ASTN2: variants seen among roughly 807,000 people sequenced by gnomAD.
ASTN2 encodes astrotactin-2.
A neutral mutation model predicts 139.8 loss-of-function variants in ASTN2; 54 were observed. The ratio of observed to expected loss-of-function variants is 0.39; its 90% confidence interval spans 0.31 to 0.48. ASTN2 has a LOEUF of 0.48. Among genes scored for constraint, ASTN2 ranks in the 20% least tolerant of loss-of-function variants. ASTN2 has a pLI of 0.95. For synonymous variants in ASTN2, 756 were observed against 719.5 expected, an observed-to-expected ratio of 1.05 and a Z score of -0.81; for missense variants, 1,565 against 1,725.1, an observed-to-expected ratio of 0.91 and a Z score of 1.64.
At chr9:117,040,998 C>T (rs915053934) in intron 5 of ASTN2, among the ~76,000 whole-genome samples, 1 of 152,146 alleles carries the variant, frequency 6.6e-6, no homozygotes, top group African/African-American at 2.4e-5. Flanking sequence ...TTATCCATAG[C>T]TAATTAGATT....
chr9:117,008,293 C>A, intron 6 of ASTN2, 34 bp from the exon 7 acceptor site: 3 of 1,545,448 alleles, frequency 1.9e-6, no homozygotes, highest in Non-Finnish European at 2.6e-6. Context: ...TACTTTCTTA[C>A]TGATTTTAAG....
At chr9:117,002,125 G>A (rs975148810) in intron 7 of ASTN2, among the ~76,000 whole-genome samples, 8 of 152,202 alleles carry the variant, frequency 5.3e-5, no homozygotes, top group African/African-American at 4.8e-5. Context: ...AGAGCAAGGT[G>A]CTTTGCTGGG....
chr9:116,529,978 T>A (rs1851252340), intron 19 of ASTN2, among the ~76,000 whole-genome samples: 1 of 151,264 alleles, frequency 6.6e-6, no homozygotes, highest in Admixed American at 6.6e-5. Context: ...TCAAAAGATA[T>A]GAAATCAGTA....
At chr9:116,715,503 C>A (rs1364748632) in intron 16 of ASTN2, among the ~76,000 whole-genome samples, 1 of 152,100 alleles carries the variant, frequency 6.6e-6, no homozygotes, top group Non-Finnish European at 1.5e-5. Context: ...GCCTACTCAC[C>A]CTTAGGTTCC....
chr9:117,087,900 T>C (rs1828609617), intron 5 of ASTN2, among the ~76,000 whole-genome samples: 1 of 152,218 alleles, frequency 6.6e-6, no homozygotes, highest in African/African-American at 2.4e-5. Flanking sequence ...TCTGGGTATA[T>C]TACTGGAAAT....
At chr9:117,396,447 C>A (rs190353444) in intron 1 of ASTN2, among the ~76,000 whole-genome samples, 155 of 152,236 alleles carry the variant, frequency 1.0e-3, no homozygotes, top group African/African-American at 3.7e-3. Context: ...GTTTTCCAGA[C>A]CTGCTTATGC....
At chr9:116,832,496 A>G (rs1490426405) in intron 11 of ASTN2, among the ~76,000 whole-genome samples, 1 of 151,714 alleles carries the variant, frequency 6.6e-6, no homozygotes, top group Non-Finnish European at 1.5e-5. Flanking sequence ...TAGCTCTTTT[A>G]TTGATGTTCT....
At chr9:117,257,851 G>T (rs1359640383) in intron 2 of ASTN2, among the ~76,000 whole-genome samples, 2 of 152,206 alleles carry the variant, frequency 1.3e-5, no homozygotes, top group Admixed American at 1.3e-4. Context: ...TGTAGTCATT[G>T]CTCTGCCCTC....
At chr9:117,216,772 A>G (rs1832082481) in intron 2 of ASTN2, among the ~76,000 whole-genome samples, 1 of 152,074 alleles carries the variant, frequency 6.6e-6, no homozygotes, top group African/African-American at 2.4e-5. Flanking sequence ...GGAAGAGTGA[A>G]GAGGAGAGAG....
At chr9:116,859,912 C>T (rs1832833211) in intron 11 of ASTN2, among the ~76,000 whole-genome samples, 1 of 152,246 alleles carries the variant, frequency 6.6e-6, no homozygotes, top group Non-Finnish European at 1.5e-5. Flanking sequence ...CCAGGTGGAA[C>T]TGTTGGACAT....
chr9:117,070,650 T>C (rs1454676213), intron 5 of ASTN2, among the ~76,000 whole-genome samples: 2,669 of 144,426 alleles, frequency 0.018, 19 homozygotes, highest in South Asian at 0.033. Context: ...GGTACACCAA[T>C]GAGACGTAGA....
At chr9:116,487,291 T>C in intron 20 of ASTN2, 68 bp downstream of exon 20, 1 of 1,581,130 alleles carries the variant, frequency 6.3e-7, no homozygotes, top group Non-Finnish European at 8.6e-7. Flanking sequence ...GAATAACTCA[T>C]GCCATTCCTC....
At position 116,796,178 on chromosome 9, in the gene ASTN2, T is replaced by G. The variant is rs139798309; in HGVS notation, c.2396+9454A>C. 2.4e-3 allele frequency among the ~76,000 whole-genome samples: 366 copies of G among 152,316 alleles called. 1 individual carries two copies. The highest frequency in any genetic ancestry group is 3.8e-3 in the Non-Finnish European group (259 of 68,040). ...ACCAGGAAGTGGGCATTGTTACTAT[T>G]ATTCTTAATTTAGGGATGGGGGAAA... On this transcript the variant is annotated intron_variant, in intron 13 of 22. Transcript: ENST00000313400.
At chr9:116,434,071 G>A (rs1230200984) in intron 22 of ASTN2, among the ~76,000 whole-genome samples, 1 of 151,940 alleles carries the variant, frequency 6.6e-6, no homozygotes, top group Non-Finnish European at 1.5e-5. Flanking sequence ...AGTGTGTTTT[G>A]TTAGTATTAG....
At chr9:116,986,854 C>T (rs1197291739) in intron 7 of ASTN2, among the ~76,000 whole-genome samples, 1 of 152,310 alleles carries the variant, frequency 6.6e-6, no homozygotes, top group East Asian at 1.9e-4. Context: ...AAGTGTTTTA[C>T]AGAGAGAACA....
rs11378164 is a variant in ASTN2 at position 117,016,813 on chromosome 9, T to TTATATATATATATATA, written c.1424-8555_1424-8554insTATATATATATATATA. On this transcript the variant is annotated intron_variant, in intron 6 of 22. Coordinates refer to ENST00000313400, the MANE Select transcript of ASTN2 (RefSeq NM_001365068.1). ...GTTATATATAGGTTATATATATGTT[T>TTATATATATATATATA]TATATATATATATATGTTTTTCCAA... Among the ~76,000 whole-genome samples the TTATATATATATATATA allele has an allele frequency of 6.9e-3, 638 of 92,546 alleles. 10 individuals are homozygous for TTATATATATATATATA. The highest frequency in any genetic ancestry group is 0.019 in the African/African-American group (606 of 31,502). 60.7% of individuals were successfully genotyped at this position (92,546 alleles called of 152,430 possible). A position where few individuals can be genotyped will look rare whatever the true frequency, so the allele number is the denominator to read the frequency against.
chr9:117,136,681 A>C (rs996362766), intron 4 of ASTN2, among the ~76,000 whole-genome samples: 1 of 152,154 alleles, frequency 6.6e-6, no homozygotes, highest in Non-Finnish European at 1.5e-5. Flanking sequence ...TGGATGAGGG[A>C]CAATGAGACC....
At chr9:116,449,837 GC>G (rs1162780497) in intron 20 of ASTN2, among the ~76,000 whole-genome samples, 1 of 152,186 alleles carries the variant, frequency 6.6e-6, no homozygotes, top group Non-Finnish European at 1.5e-5. Flanking sequence ...ATGTGTGGTT[GC>G]TTCAGCAGCC....
chr9:117,065,398 A>G (rs553045410), intron 5 of ASTN2, among the ~76,000 whole-genome samples: 3 of 152,080 alleles, frequency 2.0e-5, no homozygotes, highest in Non-Finnish European at 4.4e-5. Flanking sequence ...TTCGAGACTC[A>G]GTATTAGTAT....
Sources: gnomAD v4.1 joint callset for allele counts (sites outside exome capture counted in the v4.1 genomes callset) on GRCh38, gnomAD v4.1.1 for gene constraint, MANE v1.5 for transcripts, NCBI Gene and HGNC (gene_info 2026-07-23, HGNC 2026-07-21) for gene names.